FOXN3: variants seen among roughly 807,000 people sequenced by gnomAD.
FOXN3 encodes the protein forkhead box protein N3.
In FOXN3, 7 loss-of-function variants were observed where a neutral mutation model predicts 38.4. That is an observed-to-expected ratio of 0.18 (90% CI 0.10 to 0.34). FOXN3 has a LOEUF of 0.34. Among genes scored for constraint, FOXN3 ranks in the 10% least tolerant of loss-of-function variants. The pLI is 1.00. For synonymous variants in FOXN3, 230 were observed against 242.2 expected, an observed-to-expected ratio of 0.95 and a Z score of 0.47; for missense variants, 456 against 613.4, an observed-to-expected ratio of 0.74 and a Z score of 2.71.
intron 1 of FOXN3, among the ~76,000 whole-genome samples, chr14:89,451,297 G>C (rs1892608534): frequency 6.6e-6 from 1 of 152,162 alleles, no homozygotes; most frequent in African/African-American, 2.4e-5. Context: ...GACATCCAAT[G>C]TGACTGGTTA....
chr14:89,322,365 C>T (rs962345931), intron 3 of FOXN3, among the ~76,000 whole-genome samples: 6 of 152,026 alleles, frequency 3.9e-5, no homozygotes, highest in African/African-American at 1.4e-4. Context: ...GTTATGAAGC[C>T]AGGTGCTAAG....
chr14:89,222,419 A>C (rs866349102), intron 4 of FOXN3, among the ~76,000 whole-genome samples: 1 of 152,238 alleles, frequency 6.6e-6, no homozygotes, highest in Non-Finnish European at 1.5e-5. Flanking sequence ...AGATACAAAA[A>C]AATGTAAATC....
intron 1 of FOXN3, among the ~76,000 whole-genome samples, chr14:89,441,372 T>G (rs1056972602): frequency 6.6e-6 from 1 of 152,190 alleles, no homozygotes; most frequent in Admixed American, 6.6e-5. Context: ...TGCTAAATTT[T>G]TCATACCATT....
In FOXN3 at chr14:89,156,934, C is replaced by T. The variant is rs1886994114; in HGVS notation, c.*5480G>A. ...GAGGAGAGGGGCTGGGGAACTCAGG[C>T]CACAGTCATGAAAGGATGAATACAA... On this transcript the variant is annotated 3_prime_UTR_variant, in exon 6 of 6. Transcript: ENST00000557258. The T allele has an allele frequency of 6.6e-6, 1 of 152,468 alleles. No homozygotes were observed. The allele number at this position is 152,468 out of a possible 1,614,324, so 9.4% of individuals were successfully genotyped here. A position where few individuals can be genotyped will look rare whatever the true frequency, so the allele number is the denominator to read the frequency against.
At chr14:89,564,071 T>C (rs1596318889) in intron 1 of FOXN3, among the ~76,000 whole-genome samples, 1 of 152,060 alleles carries the variant, frequency 6.6e-6, no homozygotes, top group South Asian at 2.1e-4. Context: ...GCCAGGCTGG[T>C]TTCGAACTCC....
At chr14:89,510,847 G>A (rs1043213188) in intron 1 of FOXN3, among the ~76,000 whole-genome samples, 2 of 152,168 alleles carry the variant, frequency 1.3e-5, no homozygotes, top group Non-Finnish European at 2.9e-5. Flanking sequence ...AGTGGCTGAG[G>A]CATGAGAATC....
intron 1 of FOXN3, among the ~76,000 whole-genome samples, chr14:89,567,045 T>A (rs1056799786): frequency 1.3e-5 from 2 of 152,216 alleles, no homozygotes; most frequent in African/African-American, 2.4e-5. Context: ...GACCCAAGGC[T>A]ACAAGTATAT....
intron 1 of FOXN3, among the ~76,000 whole-genome samples, chr14:89,501,943 A>G (rs1365581560): frequency 6.6e-6 from 1 of 152,186 alleles, no homozygotes; most frequent in African/African-American, 2.4e-5. Flanking sequence ...AGGCAGTTGG[A>G]TCACCTGAGG....
chr14:89,206,714 CAAAG>C (rs1820357762), intron 4 of FOXN3, among the ~76,000 whole-genome samples: 1 of 152,166 alleles, frequency 6.6e-6, no homozygotes, highest in African/African-American at 2.4e-5. Flanking sequence ...CAAAACGAAA[CAAAG>C]AAAACTGGAA....
At chr14:89,396,061 G>T (rs1463576790) in intron 2 of FOXN3, among the ~76,000 whole-genome samples, 2 of 152,186 alleles carry the variant, frequency 1.3e-5, no homozygotes, top group East Asian at 3.8e-4. Flanking sequence ...ATGCAAAATA[G>T]TGTCCAGAGA....
At chr14:89,439,138 T>C (rs1389746043) in intron 1 of FOXN3, among the ~76,000 whole-genome samples, 1 of 152,158 alleles carries the variant, frequency 6.6e-6, no homozygotes, top group East Asian at 1.9e-4. Flanking sequence ...CATCCAACCC[T>C]GTGTGTGCCT....
chr14:89,283,686 A>G (rs1270703608), intron 3 of FOXN3, among the ~76,000 whole-genome samples: 4 of 152,074 alleles, frequency 2.6e-5, no homozygotes, highest in East Asian at 1.9e-4. Flanking sequence ...TATCACTGCC[A>G]TGAGAAATGA....
At chr14:89,381,063 A>T (rs1471577033) in intron 2 of FOXN3, among the ~76,000 whole-genome samples, 4 of 145,136 alleles carry the variant, frequency 2.8e-5, no homozygotes, top group Non-Finnish European at 6.0e-5. Context: ...AATCACCTGA[A>T]CCCAGGAAGC....
At chr14:89,605,695 T>C (rs1025021610) in intron 1 of FOXN3, among the ~76,000 whole-genome samples, 1 of 152,086 alleles carries the variant, frequency 6.6e-6, no homozygotes, top group African/African-American at 2.4e-5. Context: ...TTAGAAAAAA[T>C]ATATTATGTT....
At chr14:89,497,932 T>TG (rs397803015) in intron 1 of FOXN3, among the ~76,000 whole-genome samples, 2 of 152,016 alleles carry the variant, frequency 1.3e-5, no homozygotes, top group African/African-American at 4.8e-5. Context: ...GGTTTTTTTT[T>TG]GAAATGTTAG....
intron 1 of FOXN3, among the ~76,000 whole-genome samples, chr14:89,599,772 A>G (rs1288273124): frequency 1.3e-5 from 2 of 152,094 alleles, no homozygotes; most frequent in African/African-American, 2.4e-5. Context: ...TTCACTACCT[A>G]TGTTTTATTT....
chr14:89,286,883 C>T (rs1886645147), intron 3 of FOXN3, among the ~76,000 whole-genome samples: 1 of 152,146 alleles, frequency 6.6e-6, no homozygotes, highest in Non-Finnish European at 1.5e-5. Context: ...CGGGGACACT[C>T]TTGACACTTT....
At chr14:89,426,879 C>T (rs1282653908) in intron 1 of FOXN3, among the ~76,000 whole-genome samples, 2 of 152,048 alleles carry the variant, frequency 1.3e-5, no homozygotes, top group Non-Finnish European at 2.9e-5. Flanking sequence ...CTCTCAGGGG[C>T]CTAGGACATG....
chr14:89,386,177 T>C (rs1890785078), intron 2 of FOXN3, among the ~76,000 whole-genome samples: 1 of 152,212 alleles, frequency 6.6e-6, no homozygotes, highest in Admixed American at 6.5e-5. Context: ...TCTCCAGATG[T>C]AGGAGGAGCT....
Sources: gnomAD v4.1 joint callset for allele counts (sites outside exome capture counted in the v4.1 genomes callset) on GRCh38, gnomAD v4.1.1 for gene constraint, MANE v1.5 for transcripts, NCBI Gene and HGNC (gene_info 2026-07-23, HGNC 2026-07-21) for gene names.